The following CYP27A1 variants were observed in gnomAD, a reference collection of about 807,000 sequenced individuals.
The protein encoded by CYP27A1 is sterol 26-hydroxylase, mitochondrial.
CYP27A1 carries 46 observed loss-of-function variants against 58.2 expected under a neutral mutation model. The observed-to-expected ratio is 0.79, with a 90% CI of 0.62 to 1.01. The LOEUF is 1.01. CYP27A1 is among the 50% of genes least tolerant of loss of function. The pLI is 0.00. For missense variants in CYP27A1, 704 were observed against 687.0 expected (o/e 1.02, Z -0.28); for synonymous variants, 274 against 285.1 (o/e 0.96, Z 0.39).
rs10630236 is a variant in CYP27A1 at position 218,802,331 on chromosome 2, T to TAAA, written c.256-7236_256-7234dup. On this transcript the variant is annotated intron_variant, in intron 1 of 8. Coordinates refer to ENST00000258415, the MANE Select transcript of CYP27A1 (RefSeq NM_000784.4). ...CCTTGCTGAGAATTAAAAAGAAAAT[T>TAAA]AAAAAAAAAAAAGACTAGGTTAAGA... 1.2e-3 allele frequency among the ~76,000 whole-genome samples: 176 copies of TAAA among 147,208 alleles called. 1 individual carries two copies. Among genetic ancestry groups the TAAA allele is most frequent in the African/African-American group, 2.7e-3 (107 of 40,330 alleles).
At position 218,815,028 on chromosome 2, in the gene CYP27A1, T is replaced by C; in HGVS notation, c.1594T>C (p.Ter532ArgextTer11). 2 of 1,614,240 alleles carry C rather than the reference T, an allele frequency of 1.2e-6. No homozygotes were observed. Among genetic ancestry groups the C allele is most frequent in the Non-Finnish European group, 1.7e-6 (2 of 1,180,040 alleles). The change falls in exon 9 of 9, where the codon TGA (stop) becomes CGA (arginine). Residue 532 changes from the stop codon to arginine (R), a stop_lost. Coordinates refer to ENST00000258415, the MANE Select transcript of CYP27A1 (RefSeq NM_000784.4). Reference protein sequence around the residue: ...VGLQFLQRQC* With the variant: ...VGLQFLQRQCR ...CCTGCAGTTCCTGCAGAGACAGTGC[T>C]GAGCTGAGTCTCCGCCTTGCTGGGG...
At position 218,809,444 on chromosome 2, in the gene CYP27A1, T is replaced by TAC; in HGVS notation, c.256-133_256-132insAC. On this transcript the variant is annotated intron_variant, in intron 1 of 8. Transcript: ENST00000258415. ...GTGCCTACATCATACACAATGCCCT[T>TAC]TTTTTTTTTTTTTTTTTTTTGCCCA... 2.5e-5 allele frequency: 6 copies of TAC among 239,494 alleles called. 1 individual carries two copies. The highest frequency in any genetic ancestry group is 1.3e-4 in the African/African-American group (5 of 39,146). The allele number at this position is 239,494 out of a possible 1,614,324, so 14.8% of individuals were successfully genotyped here.
chr2:218,797,374 A>C (rs1943557580), intron 1 of CYP27A1, among the ~76,000 whole-genome samples: 1 of 152,216 alleles, frequency 6.6e-6, no homozygotes, highest in Non-Finnish European at 1.5e-5. Context: ...TGCAAGGATT[A>C]CAGGCACGAG....
At chr2:218,787,340 A>G (rs977127126) in intron 1 of CYP27A1, among the ~76,000 whole-genome samples, 1 of 152,208 alleles carries the variant, frequency 6.6e-6, no homozygotes, top group Non-Finnish European at 1.5e-5. Context: ...AGAAAAGACA[A>G]TGAGGGAGGT....
At chr2:218,806,582 C>T (rs936355953) in intron 1 of CYP27A1, among the ~76,000 whole-genome samples, 5 of 152,350 alleles carry the variant, frequency 3.3e-5, no homozygotes, top group Admixed American at 1.3e-4. Flanking sequence ...AAATAGTACA[C>T]GCTTTTCAAG....
chr2:218,791,423 C>T (rs529457487), intron 1 of CYP27A1, among the ~76,000 whole-genome samples: 1 of 152,244 alleles, frequency 6.6e-6, no homozygotes, highest in Non-Finnish European at 1.5e-5. Flanking sequence ...AAAAGTACAC[C>T]CCATGAGTGC....
Position 218,812,648 on chromosome 2 carries a change from T to C in CYP27A1, c.743T>C (p.Phe248Ser), listed in dbSNP as rs1257799419. 1 of 1,614,178 alleles carries C rather than the reference T, an allele frequency of 6.2e-7. No homozygotes were observed. Among genetic ancestry groups the C allele is most frequent in the South Asian group, 1.1e-5 (1 of 91,076 alleles). The change falls in exon 4 of 9, where the codon TTC (phenylalanine) becomes TCC (serine). Residue 248 changes from phenylalanine to serine, a missense_variant. Transcript: ENST00000258415. ...TTCGTCAGATCCATCGGGTTAATGTTCCAGAACTCACTCTATGCCACCTTC... is the reference window on the plus strand; with the variant it reads ...TTCGTCAGATCCATCGGGTTAATGTCCCAGAACTCACTCTATGCCACCTTC... ...VTFVRSIGLM[F>S]QNSLYATFLP...
chr2:218,811,245 C>T (rs536345295), intron 2 of CYP27A1, among the ~76,000 whole-genome samples: 1 of 152,328 alleles, frequency 6.6e-6, no homozygotes, highest in East Asian at 1.9e-4. Flanking sequence ...CCTTCCACCC[C>T]TATTGCATCC....
chr2:218,812,722 G>C lies in CYP27A1; in HGVS notation c.817G>C (p.Asp273His). The C allele has an allele frequency of 6.2e-7, 1 of 1,614,230 alleles. No homozygotes were observed. Among genetic ancestry groups the C allele is most frequent in the Non-Finnish European group, 8.5e-7 (1 of 1,180,048 alleles). Reference sequence around the variant, plus strand: ...GCTGCCTTTCTGGAAGCGATACCTGGATGGTTGGAATGCCATCTTTTCCTT... The same window carrying C: ...GCTGCCTTTCTGGAAGCGATACCTGCATGGTTGGAATGCCATCTTTTCCTT... Reference protein sequence around the residue: ...PVLPFWKRYLDGWNAIFSFGK... With the variant: ...PVLPFWKRYLHGWNAIFSFGK... Residue 273 changes from aspartate to histidine, a missense_variant, in exon 4 of 9, where the codon GAT (aspartate) becomes CAT (histidine). Asp to His is a moderately conservative substitution (Grantham distance 81). Transcript: ENST00000258415.
intron 1 of CYP27A1, among the ~76,000 whole-genome samples, chr2:218,804,073 A>T (rs937225762): frequency 2.6e-5 from 1 of 38,846 alleles, no homozygotes; most frequent in Non-Finnish European, 6.0e-5. Flanking sequence ...TATCTATTTA[A>T]AAAAAATTCC....
intron 2 of CYP27A1, among the ~76,000 whole-genome samples, chr2:218,810,686 G>C (rs1398829128): frequency 6.6e-6 from 1 of 152,156 alleles, no homozygotes; most frequent in Non-Finnish European, 1.5e-5. Flanking sequence ...CTACTGTTGA[G>C]AGAGTTTTAC....
intron 1 of CYP27A1, among the ~76,000 whole-genome samples, chr2:218,790,001 T>C (rs1943476834): frequency 6.6e-6 from 1 of 152,254 alleles, no homozygotes; most frequent in South Asian, 2.1e-4. Context: ...ATGTCACATT[T>C]AGCATAAATG....
chr2:218,812,527 G>A (rs1211881853), intron 3 of CYP27A1, 25 bp from the exon 4 acceptor site: 1 of 1,613,838 alleles, frequency 6.2e-7, no homozygotes, highest in Non-Finnish European at 8.5e-7. Context: ...TCTGCCTCCT[G>A]TGATGGCCTC....
chr2:218,784,501 C>T (rs947988383), intron 1 of CYP27A1, among the ~76,000 whole-genome samples: 1 of 152,172 alleles, frequency 6.6e-6, no homozygotes, highest in Non-Finnish European at 1.5e-5. Context: ...ACCTTTCTCA[C>T]GCAAAGATTT....
At chr2:218,810,738 G>A (rs1421168967) in intron 2 of CYP27A1, among the ~76,000 whole-genome samples, 2 of 152,000 alleles carry the variant, frequency 1.3e-5, no homozygotes, top group Admixed American at 6.6e-5. Context: ...GTCTATTCTG[G>A]TTTTCATTTC....
intron 1 of CYP27A1, among the ~76,000 whole-genome samples, chr2:218,791,663 G>A (rs1460000429): frequency 6.6e-6 from 1 of 152,188 alleles, no homozygotes; most frequent in Non-Finnish European, 1.5e-5. Flanking sequence ...TCTGAGTTAT[G>A]AAATTATGAA....
chr2:218,784,765 C>A (rs1185339001), intron 1 of CYP27A1, among the ~76,000 whole-genome samples: 1 of 152,190 alleles, frequency 6.6e-6, no homozygotes, highest in African/African-American at 2.4e-5. Context: ...TGGCTATTCC[C>A]AGCTTTTCAC....
intron 1 of CYP27A1, among the ~76,000 whole-genome samples, chr2:218,797,215 T>A (rs1274024038): frequency 6.6e-6 from 1 of 152,184 alleles, no homozygotes; most frequent in Non-Finnish European, 1.5e-5. Flanking sequence ...TTCTCCTGCC[T>A]CAGCCTCCTG....
chr2:218,812,588 G>A lies in CYP27A1; in HGVS notation c.683G>A (p.Cys228Tyr), dbSNP rs765784336. Residue 228 changes from cysteine (C) to tyrosine (Y), a missense_variant, in exon 4 of 9, where the codon TGC becomes TAC. Physicochemically the swap from Cys to Tyr is radical, Grantham distance 194. Coordinates refer to ENST00000258415, the MANE Select transcript of CYP27A1 (RefSeq NM_000784.4). ...ATCCTGTTCGAGAAACGCATTGGCT[G>A]CCTGCAGCGATCCATCCCCGAGGAC... ...CYILFEKRIGCLQRSIPEDTV... is the reference protein window; with the variant it reads ...CYILFEKRIGYLQRSIPEDTV... 4 of 1,614,202 alleles carry A rather than the reference G, an allele frequency of 2.5e-6. No homozygotes were observed. The East Asian group carries it at 6.7e-5, about 27-fold the overall frequency.
Sources: allele counts gnomAD v4.1 joint callset (sites outside exome capture counted in the v4.1 genomes callset), GRCh38; gene constraint gnomAD v4.1.1; transcripts MANE v1.5; gene names NCBI Gene and HGNC (gene_info 2026-07-23, HGNC 2026-07-21).